GFPT1: variants seen among roughly 807,000 people sequenced by gnomAD.
GFPT1 encodes the protein glutamine--fructose-6-phosphate aminotransferase [isomerizing] 1.
GFPT1 carries 40 observed loss-of-function variants against 92.0 expected under a neutral mutation model. The observed-to-expected ratio is 0.43, with a 90% CI of 0.34 to 0.57. The LOEUF is 0.57. Among genes scored for constraint, GFPT1 ranks in the 20% least tolerant of loss-of-function variants. The pLI is 0.02. For synonymous variants in GFPT1, 269 were observed against 280.6 expected (o/e 0.96, Z 0.41); for missense variants, 448 against 869.1 (o/e 0.52, Z 6.09).
At chr2:69,338,677 T>G in intron 13 of GFPT1, 112 bp from the exon 14 acceptor site, 2 of 1,014,910 alleles carry the variant, frequency 2.0e-6, no homozygotes. Context: ...AAATGACACG[T>G]TAGAAAATAA....
At chr2:69,352,866 C>T (rs1259286035) in intron 9 of GFPT1, among the ~76,000 whole-genome samples, 3 of 150,674 alleles carry the variant, frequency 2.0e-5, no homozygotes, top group Admixed American at 2.0e-4. Context: ...GCCAAAATGG[C>T]GAAACCCCGT....
chr2:69,378,068 C>T lies in GFPT1; in HGVS notation c.8-3955G>A, dbSNP rs920824957. Among the ~76,000 whole-genome samples the T allele has an allele frequency of 9.9e-5, 15 of 152,262 alleles. No individual in the cohort carries two copies. In the South Asian group the frequency reaches 2.5e-3, roughly 25 times the overall value. On this transcript the variant is annotated intron_variant, in intron 1 of 19. Transcript: ENST00000357308. The stretch of plus-strand genomic sequence containing the variant: ...TCTCGCTTTGTCGCCAAGGCTGGCG[C>T]CATCTCAGCTCACTGCAACCTCCAC...
At chr2:69,366,717 T>C (rs1331079320) in intron 3 of GFPT1, among the ~76,000 whole-genome samples, 1 of 152,248 alleles carries the variant, frequency 6.6e-6, no homozygotes, top group African/African-American at 2.4e-5. Context: ...TTATCTGCTT[T>C]AAGTTTGTCT....
intron 7 of GFPT1, among the ~76,000 whole-genome samples, chr2:69,355,933 G>A (rs998518375): frequency 2.0e-5 from 3 of 150,488 alleles, no homozygotes; most frequent in African/African-American, 7.3e-5. Context: ...TAACCTTGGT[G>A]CGCCCAACAA....
At chr2:69,378,134 T>C (rs1156342389) in intron 1 of GFPT1, among the ~76,000 whole-genome samples, 2 of 152,208 alleles carry the variant, frequency 1.3e-5, no homozygotes, top group Admixed American at 6.5e-5. Context: ...GCCTCCCAAG[T>C]AGCTGGAATT....
chr2:69,329,642 T>A (rs1201574796), intron 16 of GFPT1, 42 bp downstream of exon 16: 1 of 1,290,398 alleles, frequency 7.7e-7, no homozygotes, highest in African/African-American at 1.5e-5. Flanking sequence ...TATTACCCAC[T>A]CCCTTAGACA....
chr2:69,328,200 A>G, intron 18 of GFPT1, 71 bp downstream of exon 18: 1 of 1,148,008 alleles, frequency 8.7e-7, no homozygotes. Flanking sequence ...CATGTTTTGT[A>G]AGTCATTCAA....
chr2:69,337,802 T>C (rs1670837640), intron 15 of GFPT1, 96 bp downstream of exon 15: 2 of 989,224 alleles, frequency 2.0e-6, no homozygotes, highest in Non-Finnish European at 3.2e-6. Context: ...GTTCTATAAC[T>C]GCTAACAAAA....
At chr2:69,341,820 A>T (rs752599282) in intron 13 of GFPT1, among the ~76,000 whole-genome samples, 2 of 152,194 alleles carry the variant, frequency 1.3e-5, no homozygotes, top group African/African-American at 4.8e-5. Flanking sequence ...GAACAATGCT[A>T]AGCAAAACCC....
chr2:69,327,140 G>A lies in GFPT1; in HGVS notation c.1894-65C>T, dbSNP rs117087805. The A allele has an allele frequency of 7.9e-5, 116 of 1,472,092 alleles. 2 individuals carry two copies. Among genetic ancestry groups the A allele is most frequent in the East Asian group, 4.3e-4 (19 of 44,194 alleles). 91.2% of individuals were successfully genotyped at this position (1,472,092 alleles called of 1,614,324 possible). On this transcript the variant is annotated intron_variant, in intron 18 of 19. Coordinates refer to ENST00000357308, the MANE Select transcript of GFPT1 (RefSeq NM_001244710.2). ...GGGCAAAGGCAGGGCTATAGCTTACGAATGTGCAAAAATTGCACTGCATAA... is the reference window on the plus strand; with the variant it reads ...GGGCAAAGGCAGGGCTATAGCTTACAAATGTGCAAAAATTGCACTGCATAA...
intron 2 of GFPT1, among the ~76,000 whole-genome samples, chr2:69,370,451 G>A (rs914795285): frequency 6.6e-6 from 1 of 152,212 alleles, no homozygotes; most frequent in African/African-American, 2.4e-5. Flanking sequence ...ACCTCAGAAG[G>A]TAGCTAAGGA....
chr2:69,328,418 A>G lies in GFPT1; in HGVS notation c.1746T>C (p.Tyr582=), dbSNP rs777579226. ...EGALKIKEIT[Y]MHSEGILAGE... ...CAGCAAGGATGCCTTCAGAGTGCAT[A>G]TAAGTAATTTCTTTGATTTTCTAAT... is the stretch of plus-strand genomic sequence containing the variant. The change falls in exon 18 of 20, where the codon TAT becomes TAC. Residue 582 remains tyrosine, a synonymous_variant. Coordinates refer to ENST00000357308, the MANE Select transcript of GFPT1 (RefSeq NM_001244710.2). 12 of 1,612,870 alleles carry G rather than the reference A, an allele frequency of 7.4e-6. No homozygotes were observed. The highest frequency in any genetic ancestry group is 3.3e-5 in the South Asian group (3 of 91,056).
At chr2:69,361,837 G>A (rs563382851) in intron 4 of GFPT1, among the ~76,000 whole-genome samples, 30 of 152,186 alleles carry the variant, frequency 2.0e-4, no homozygotes, top group Non-Finnish European at 4.1e-4. Flanking sequence ...TAAATTAGCT[G>A]GGTGTGGTGG....
intron 13 of GFPT1, among the ~76,000 whole-genome samples, chr2:69,340,930 G>A (rs561916362): frequency 1.0e-3 from 158 of 151,888 alleles, no homozygotes; most frequent in Non-Finnish European, 1.6e-3. Flanking sequence ...CACCACTAAC[G>A]TGTTTACATC....
At position 69,320,011 on chromosome 2, in the gene GFPT1, A is replaced by AT. The variant is rs1670370105; in HGVS notation, c.*6177dup. 1 of 152,210 alleles carries AT rather than the reference A, an allele frequency of 6.6e-6. No individual in the cohort carries two copies. The highest frequency in any genetic ancestry group is 6.5e-5 in the Admixed American group (1 of 15,274). 9.4% of individuals were successfully genotyped at this position (152,210 alleles called of 1,614,324 possible). A position where few individuals can be genotyped will look rare whatever the true frequency, so the allele number is the denominator to read the frequency against. On this transcript the variant is annotated 3_prime_UTR_variant, in exon 20 of 20. Coordinates refer to ENST00000357308, the MANE Select transcript of GFPT1 (RefSeq NM_001244710.2). ...GAAGCTAAAGCCTTAATTGTCTCAG[A>AT]TATCTTCCATCTCCTTATGGGCATT...
intron 15 of GFPT1, among the ~76,000 whole-genome samples, chr2:69,334,347 C>T (rs924890356): frequency 6.6e-6 from 1 of 151,776 alleles, no homozygotes; most frequent in Non-Finnish European, 1.5e-5. Flanking sequence ...TACTAAATTG[C>T]CATACTTACT....
At chr2:69,359,361 T>C (rs368982579) in intron 4 of GFPT1, 35 bp from the exon 5 acceptor site, 4 of 1,244,376 alleles carry the variant, frequency 3.2e-6, no homozygotes, top group Non-Finnish European at 4.7e-6. Context: ...ACAAAAAAGT[T>C]AGAAGTATGA....
intron 15 of GFPT1, chr2:69,334,595 G>A (rs554695431): frequency 1.3e-5 from 2 of 152,278 alleles, no homozygotes; most frequent in East Asian, 3.9e-4. Flanking sequence ...AAAAACTTCA[G>A]GCTAGGGTAG....
intron 10 of GFPT1, among the ~76,000 whole-genome samples, chr2:69,349,578 C>T (rs1671159608): frequency 6.6e-6 from 1 of 152,134 alleles, no homozygotes; most frequent in Admixed American, 6.5e-5. Flanking sequence ...TTTACAAATG[C>T]ATGTAAACAT....
Sources: allele counts gnomAD v4.1 joint callset (sites outside exome capture counted in the v4.1 genomes callset), GRCh38; gene constraint gnomAD v4.1.1; transcripts MANE v1.5; gene names NCBI Gene and HGNC (gene_info 2026-07-23, HGNC 2026-07-21).